The following HTRA2 variants were observed in gnomAD, a reference collection of about 807,000 sequenced individuals.
HTRA2 encodes HtrA serine peptidase 2.
Under a neutral mutation model 42.2 loss-of-function variants are expected in HTRA2, and 24 were observed. The ratio of observed to expected loss-of-function variants is 0.57; its 90% CI spans 0.41 to 0.80. The LOEUF (loss-of-function observed/expected upper bound fraction) is 0.80, where lower values mean the gene tolerates loss of function less well. Among genes scored for constraint, HTRA2 ranks in the 30% least tolerant of loss-of-function variants. The pLI is 0.00. For synonymous variants in HTRA2, 245 were observed against 255.8 expected, an observed-to-expected ratio of 0.96 and a Z score of 0.40; for missense variants, 466 against 613.5, an observed-to-expected ratio of 0.76 and a Z score of 2.54.
rs931928773 is a variant in HTRA2 at position 74,533,298 on chromosome 2, T to G, written c.*313T>G. ...GGAGCTGACCATCCTGACCTCCTAT[T>G]AAAGAAAATGAGCTGCTGCCATCTT... On this transcript the variant is annotated 3_prime_UTR_variant, in exon 8 of 8. Coordinates refer to ENST00000258080, the MANE Select transcript of HTRA2 (RefSeq NM_013247.5). 1.9e-6 allele frequency: 1 copy of G among 530,768 alleles called. No individual in the cohort carries two copies. The highest frequency in any genetic ancestry group is 1.9e-5 in the African/African-American group (1 of 52,628). 32.9% of individuals were successfully genotyped at this position (530,768 alleles called of 1,614,324 possible).
At chr2:74,529,908 T>A, upstream of HTRA2, 1 of 1,466,834 alleles carries the variant, frequency 6.8e-7, no homozygotes, top group East Asian at 2.3e-5. Context: ...TCTGAAGGAC[T>A]TCAGGTACCG....
chr2:74,530,641 C>T lies in HTRA2; in HGVS notation c.531C>T (p.Val177=). 1 of 1,614,126 alleles carries T rather than the reference C, an allele frequency of 6.2e-7. No individual in the cohort carries two copies. The highest frequency in any genetic ancestry group is 8.5e-7 in the Non-Finnish European group (1 of 1,180,032). The part of the protein sequence containing the change: ...LDRHPFLGRE[V]PISNGSGFVV... ...GGCACCCTTTCTTGGGCCGCGAGGT[C>T]CCTATCTCGAACGGCTCAGGATTCG... The change falls in exon 2 of 8, where the codon GTC becomes GTT. Residue 177 remains valine (V), a synonymous_variant. Transcript: ENST00000258080. The surrounding 1 kb of genome is among the most constrained non-coding windows in gnomAD (Gnocchi z 7.4).
rs780231992 is a variant in HTRA2, at chr2:74,530,268, C to G, written c.262C>G (p.Pro88Ala). Reference sequence around the variant, plus strand: ...CCGGGCACAACTGACTGCGGTGACCCCAGATACCAGGACCCGGGAGGCCTC... The same window carrying G: ...CCGGGCACAACTGACTGCGGTGACCGCAGATACCAGGACCCGGGAGGCCTC... Reference protein sequence around the residue: ...GPRAQLTAVTPDTRTREASEN... With the variant: ...GPRAQLTAVTADTRTREASEN... The change falls in exon 1 of 8, where the codon CCA becomes GCA. Residue 88 changes from proline (P) to alanine (A), a missense_variant. Around this residue, in one of 3 missense-constraint regions of HTRA2, gnomAD observed 222 missense variants for 205.1 expected, o/e 1.08. Transcript: ENST00000258080. The surrounding 1 kb of genome is among the most constrained non-coding windows in gnomAD (Gnocchi z 7.4). The G allele has an allele frequency of 5.0e-6, 8 of 1,607,200 alleles. No individual in the cohort carries two copies. The South Asian group carries it at 8.8e-5, about 18-fold the overall frequency.
intron 6 of HTRA2, 115 bp downstream of exon 6, chr2:74,532,040 G>C (rs1409296136): frequency 9.9e-7 from 1 of 1,007,316 alleles, no homozygotes; most frequent in Non-Finnish European, 1.5e-6. Flanking sequence ...TGTCACACTT[G>C]AAATAATCAC....
chr2:74,529,830 C>T (rs1455385888), upstream of HTRA2: 1 of 1,425,526 alleles, frequency 7.0e-7, no homozygotes, highest in Admixed American at 2.9e-5. Flanking sequence ...CCGGCGGAGA[C>T]CACAATTCCC....
chr2:74,532,893 G>A lies in HTRA2; in HGVS notation c.1285G>A (p.Glu429Lys), dbSNP rs1040801425. Residue 429 changes from glutamate (E) to lysine (K), a missense_variant, in exon 8 of 8, where the codon GAA becomes AAA. Glu to Lys is a moderately conservative substitution (Grantham distance 56). Around this residue, in one of 3 missense-constraint regions of HTRA2, gnomAD observed 129 missense variants for 163.1 expected, o/e 0.79. Transcript: ENST00000258080. Reference sequence around the variant, plus strand: ...GGTACAAAATGCTGAAGATGTTTATGAAGCTGTTCGAACCCAATCCCAGTT... The same window carrying A: ...GGTACAAAATGCTGAAGATGTTTATAAAGCTGTTCGAACCCAATCCCAGTT... ...QMVQNAEDVY[E>K]AVRTQSQLAV... is the part of the protein sequence containing the mutation. 78 of 1,614,032 alleles carry A rather than the reference G, an allele frequency of 4.8e-5. No homozygotes were observed. Among genetic ancestry groups the A allele is most frequent in the Non-Finnish European group, 6.4e-5 (76 of 1,180,040 alleles).
rs765297693 is a variant in HTRA2, at chr2:74,530,352, G to A, written c.346G>A (p.Ala116Thr). The part of the protein sequence containing the change: ...WLAVALGAGG[A>T]VLLLLWGGGR... ...GGCGGTGGCGCTGGGCGCTGGGGGG[G>A]CAGTGCTGTTGTTGTTGTGGGGCGG... is the stretch of plus-strand genomic sequence containing the variant. Residue 116 changes from alanine to threonine, a missense_variant, in exon 1 of 8, where the codon GCA becomes ACA. Coordinates refer to ENST00000258080, the MANE Select transcript of HTRA2 (RefSeq NM_013247.5). The surrounding 1 kb of genome is among the most constrained non-coding windows in gnomAD (Gnocchi z 7.4). The A allele has an allele frequency of 1.9e-6, 3 of 1,593,166 alleles. No homozygotes were observed. The highest frequency in any genetic ancestry group is 1.1e-5 in the South Asian group (1 of 89,448).
At chr2:74,529,556 G>A (rs1190996047), upstream of HTRA2, 9 of 1,553,522 alleles carry the variant, frequency 5.8e-6, no homozygotes, top group Non-Finnish European at 7.9e-6. Context: ...GCGGGGATCG[G>A]TCTCTTCCCG....
Position 74,532,688 on chromosome 2 carries a change from A to G in HTRA2, c.1185A>G (p.Lys395=), listed in dbSNP as rs1427826226. The change falls in exon 7 of 8, where the codon AAA becomes AAG. Residue 395 remains lysine (K), a synonymous_variant. Coordinates refer to ENST00000258080, the MANE Select transcript of HTRA2 (RefSeq NM_013247.5). ...PDVQHGVLIH[K]VILGSPAHRA... is the part of the protein sequence containing the mutation. ...TTCAGCATGGTGTACTCATCCATAA[A>G]GTCATCCTGGGCTCCCCTGCACACC... 2 of 1,613,808 alleles carry G rather than the reference A, an allele frequency of 1.2e-6. No homozygotes were observed. Among genetic ancestry groups the G allele is most frequent in the Admixed American group, 3.3e-5 (2 of 60,004 alleles).
At chr2:74,529,781 C>T, upstream of HTRA2, 4 of 1,456,496 alleles carry the variant, frequency 2.7e-6, no homozygotes, top group Non-Finnish European at 3.6e-6. Flanking sequence ...GCGGTCCCAG[C>T]ATACCCCGCG....
At position 74,532,959 on chromosome 2, in the gene HTRA2, T is replaced by C. The variant is rs1675729290; in HGVS notation, c.1351T>C (p.Tyr451His). ...IRRGRETLTLYVTPEVTE is the reference protein window; with the variant it reads ...IRRGRETLTLHVTPEVTE ...GCGGGGACGAGAAACACTGACCTTA[T>C]ATGTGACCCCTGAGGTCACAGAATG... Residue 451 changes from tyrosine to histidine, a missense_variant, in exon 8 of 8, where the codon TAT becomes CAT. Physicochemically the swap from Tyr to His is moderately conservative, Grantham distance 83. This residue lies in a region of HTRA2 where 129 missense variants were observed against 163.1 expected (regional missense o/e 0.79). Transcript: ENST00000258080. 6.2e-7 allele frequency: 1 copy of C among 1,613,960 alleles called. No homozygotes were observed. Among genetic ancestry groups the C allele is most frequent in the Non-Finnish European group, 8.5e-7 (1 of 1,179,976 alleles).
chr2:74,530,737 A>T lies in HTRA2; in HGVS notation c.627A>T (p.Arg209Ser). The T allele has an allele frequency of 6.2e-7, 1 of 1,614,136 alleles. No individual in the cohort carries two copies. Among genetic ancestry groups the T allele is most frequent in the Non-Finnish European group, 8.5e-7 (1 of 1,180,016 alleles). ...VVADRRRVRV[R>S]LLSGDTYEAV... Reference sequence around the variant, plus strand: ...CTGATCGGCGCAGAGTCCGTGTGAGACTGCTAAGCGGCGACACGTATGAGG... The same window carrying T: ...CTGATCGGCGCAGAGTCCGTGTGAGTCTGCTAAGCGGCGACACGTATGAGG... Residue 209 changes from arginine (R) to serine (S), a missense_variant, in exon 2 of 8, where the codon AGA becomes AGT. Arg to Ser is a moderately radical substitution (Grantham distance 110). Around this residue, in one of 3 missense-constraint regions of HTRA2, gnomAD observed 115 missense variants for 245.4 expected, o/e 0.47. Coordinates refer to ENST00000258080, the MANE Select transcript of HTRA2 (RefSeq NM_013247.5). The surrounding 1 kb of genome is among the most constrained non-coding windows in gnomAD (Gnocchi z 7.4).
At chr2:74,533,462 TTC>T (rs1219521984), downstream of HTRA2, 4 of 687,174 alleles carry the variant, frequency 5.8e-6, no homozygotes, top group Non-Finnish European at 9.9e-6. Context: ...GGGTGAAAAC[TTC>T]TGCTTGACAG....
chr2:74,529,999 C>G lies in HTRA2; in HGVS notation c.-8C>G, dbSNP rs1558609848. 6.6e-7 allele frequency: 1 copy of G among 1,524,780 alleles called. No individual in the cohort carries two copies. Among genetic ancestry groups the G allele is most frequent in the South Asian group, 1.3e-5 (1 of 78,626 alleles). The allele number at this position is 1,524,780 out of a possible 1,614,324, so 94.5% of individuals were successfully genotyped here. A position where few individuals can be genotyped will look rare whatever the true frequency, so the allele number is the denominator to read the frequency against. ...AGGGCGGGCGAGGAGGCAGCCAAGG[C>G]GGAGCTGATGGCTGCGCCGAGGGCG... is the stretch of plus-strand genomic sequence containing the variant. On this transcript the variant is annotated 5_prime_UTR_variant, in exon 1 of 8. Coordinates refer to ENST00000258080, the MANE Select transcript of HTRA2 (RefSeq NM_013247.5).
rs1021071226 is a variant in HTRA2, at chr2:74,530,467, TGGA to T, written c.463_465del (p.Glu155del). ...CAGTACAACTTCATCGCAGATGTGG[TGGA>T]GAAGACAGCACCTGCCGTGGTCTAT... On this transcript the variant is annotated inframe_deletion, in exon 1 of 8. Transcript: ENST00000258080. This position sits in a 1 kb window ranked among gnomAD's most constrained non-coding sequence, Gnocchi z 7.4. 4 of 1,607,704 alleles carry T rather than the reference TGGA, an allele frequency of 2.5e-6. No homozygotes were observed. The highest frequency in any genetic ancestry group is 1.1e-5 in the South Asian group (1 of 91,068).
At position 74,531,672 on chromosome 2, in the gene HTRA2, C is replaced by T. The variant is rs138971069; in HGVS notation, c.1015C>T (p.Arg339Ter). The T allele has an allele frequency of 8.7e-6, 14 of 1,613,944 alleles. No homozygotes were observed. The highest frequency in any genetic ancestry group is 1.7e-5 in the Admixed American group (1 of 59,996). ...CTTTGCCATCCCTTCTGATCGTCTT[C>T]GAGAGTTTCTGCATCGTGGGGAAAA... Reference protein sequence around the residue: ...ISFAIPSDRLREFLHRGEKKN... With the variant: ...ISFAIPSDRL The change falls in exon 5 of 8, where the codon CGA (arginine) becomes TGA (stop). Residue 339 changes from arginine (R) to a stop codon, truncating the protein, a stop_gained. Coordinates refer to ENST00000258080, the MANE Select transcript of HTRA2 (RefSeq NM_013247.5). LOFTEE classifies it high-confidence loss of function.
Position 74,533,256 on chromosome 2 carries a change from A to C in HTRA2, c.*271A>C. 1 of 542,558 alleles carries C rather than the reference A, an allele frequency of 1.8e-6. No individual in the cohort carries two copies. The highest frequency in any genetic ancestry group is 3.2e-5 in the East Asian group (1 of 30,856). 33.6% of individuals were successfully genotyped at this position (542,558 alleles called of 1,614,324 possible). On this transcript the variant is annotated 3_prime_UTR_variant, in exon 8 of 8. Coordinates refer to ENST00000258080, the MANE Select transcript of HTRA2 (RefSeq NM_013247.5). Reference sequence around the variant, plus strand: ...CTAGAGGTAAAGCTGTATCCCCCTAAACTTAGGGGAGATACTGGAGCTGAC... The same window carrying C: ...CTAGAGGTAAAGCTGTATCCCCCTACACTTAGGGGAGATACTGGAGCTGAC...
rs2231248 is a variant in HTRA2 at position 74,530,486 on chromosome 2, C to T, written c.480C>T (p.Ala160=). Residue 160 remains alanine, a synonymous_variant, in exon 1 of 8, where the codon GCC becomes GCT. Transcript: ENST00000258080. This position sits in a 1 kb window ranked among gnomAD's most constrained non-coding sequence, Gnocchi z 7.4. ...ATGTGGTGGAGAAGACAGCACCTGC[C>T]GTGGTCTATATCGAGATCCTGGACC... is the stretch of plus-strand genomic sequence containing the variant. ...IADVVEKTAP[A]VVYIEILDRH... is the part of the protein sequence containing the mutation. 6.2e-7 allele frequency: 1 copy of T among 1,609,758 alleles called. No individual in the cohort carries two copies. Among genetic ancestry groups the T allele is most frequent in the Non-Finnish European group, 8.5e-7 (1 of 1,179,974 alleles).
chr2:74,530,753 AC>A lies in HTRA2; in HGVS notation c.644del (p.Thr215SerfsTer18). 5.0e-6 allele frequency: 8 copies of A among 1,614,190 alleles called. No homozygotes were observed. Among genetic ancestry groups the A allele is most frequent in the Non-Finnish European group, 6.8e-6 (8 of 1,180,042 alleles). The stretch of plus-strand genomic sequence containing the variant: ...CCGTGTGAGACTGCTAAGCGGCGAC[AC>A]GTATGAGGCCGTGGTCACAGCTGTG... ...RVRVRLLSGD[T>X]YEAVVTAVDP... is the part of the protein sequence containing the mutation. On this transcript the variant is annotated frameshift_variant, in exon 2 of 8. Transcript: ENST00000258080. LOFTEE classifies it high-confidence loss of function. The surrounding 1 kb of genome is among the most constrained non-coding windows in gnomAD (Gnocchi z 7.4).
Sources: gnomAD v4.1 joint callset for allele counts on GRCh38, gnomAD v4.1.1 for gene constraint, gnomAD v4.1.1 regional missense constraint, Gnocchi (gnomAD v3.1) non-coding constraint, MANE v1.5 for transcripts, NCBI Gene and HGNC (gene_info 2026-07-23, HGNC 2026-07-21) for gene names.